Variants in FAM81A observed in about 807,000 individuals in gnomAD.
The protein encoded by FAM81A is protein FAM81A.
Under a neutral mutation model 46.7 loss-of-function variants are expected in FAM81A, and 19 were observed. That is an observed-to-expected ratio of 0.41 (90% CI 0.28 to 0.60). The LOEUF (loss-of-function observed/expected upper bound fraction) is 0.60, where lower values mean the gene tolerates loss of function less well. Ranked by LOEUF, FAM81A falls within the 20% of genes least tolerant of loss-of-function variation. The pLI, the probability that FAM81A is intolerant of heterozygous loss-of-function variation, is 0.34. For synonymous variants in FAM81A, 183 were observed against 152.9 expected, an observed-to-expected ratio of 1.20 and a Z score of -1.45; for missense variants, 377 against 453.5, an observed-to-expected ratio of 0.83 and a Z score of 1.53.
At chr15:59,437,764 T>C (rs62013067), upstream of FAM81A, among the ~76,000 whole-genome samples, 26,137 of 152,032 alleles carry the variant, frequency 0.17, 2,829 homozygotes, top group South Asian at 0.27. Context: ...ATATTGGGGC[T>C]CTAGAGAGAA....
At chr15:59,458,466 C>A in intron 1 of FAM81A, 84 bp from the exon 2 acceptor site, 1 of 820,248 alleles carries the variant, frequency 1.2e-6, no homozygotes, top group South Asian at 1.8e-5. Context: ...AATTTATGAT[C>A]CACTTAGCAA....
intron 3 of FAM81A, among the ~76,000 whole-genome samples, chr15:59,463,771 G>C (rs1244325737): frequency 6.6e-6 from 1 of 151,876 alleles, no homozygotes; most frequent in East Asian, 1.9e-4. Context: ...GTGTCTGATT[G>C]TTCAAGGAAC....
At chr15:59,504,602 T>C (rs1471306888) in intron 4 of FAM81A, among the ~76,000 whole-genome samples, 1 of 152,232 alleles carries the variant, frequency 6.6e-6, no homozygotes, top group Non-Finnish European at 1.5e-5. Flanking sequence ...TGCACCCTAC[T>C]CCTTCTTTGT....
chr15:59,411,257 G>C (rs1174970646), intron 2 of FAM81A, among the ~76,000 whole-genome samples: 1 of 152,198 alleles, frequency 6.6e-6, no homozygotes, highest in Admixed American at 6.5e-5. Context: ...CGCTGGGGCA[G>C]AGGATGCCTG....
rs147575196 is a variant in FAM81A at position 59,512,642 on chromosome 15, C to A, written c.651-1647C>A. On this transcript the variant is annotated intron_variant, in intron 6 of 8. Transcript: ENST00000288228. The stretch of plus-strand genomic sequence containing the variant: ...GTCTTCTAAGGTCCTGGCAGTGTTC[C>A]ATGTCTTACCTGGCAGGGGTTCACG... Among the ~76,000 whole-genome samples the A allele has an allele frequency of 2.4e-3, 359 of 152,178 alleles. 2 individuals carry two copies. The highest frequency in any genetic ancestry group is 8.0e-3 in the African/African-American group (331 of 41,512).
intron 3 of FAM81A, among the ~76,000 whole-genome samples, chr15:59,461,314 GT>G (rs1428110145): frequency 6.6e-6 from 1 of 151,842 alleles, no homozygotes; most frequent in Non-Finnish European, 1.5e-5. Flanking sequence ...CTTTTTGTTT[GT>G]TTGTTTGTTT....
chr15:59,479,061 G>A (rs867137729), intron 3 of FAM81A, among the ~76,000 whole-genome samples: 18 of 152,218 alleles, frequency 1.2e-4, no homozygotes, highest in African/African-American at 3.6e-4. Context: ...CACTGGAGCT[G>A]CAGTAATGGC....
chr15:59,434,529 C>A (rs565563078), upstream of FAM81A, among the ~76,000 whole-genome samples: 4 of 152,198 alleles, frequency 2.6e-5, no homozygotes, highest in Non-Finnish European at 5.9e-5. Flanking sequence ...CAGGACTTGT[C>A]CCCTGGAAAC....
At chr15:59,478,239 C>T (rs2081798948) in intron 3 of FAM81A, among the ~76,000 whole-genome samples, 1 of 152,172 alleles carries the variant, frequency 6.6e-6, no homozygotes, top group Non-Finnish European at 1.5e-5. Flanking sequence ...ACTTTAGTTC[C>T]CATGTGCTCA....
chr15:59,503,016 G>A (rs1185601813), intron 4 of FAM81A, among the ~76,000 whole-genome samples: 1 of 152,096 alleles, frequency 6.6e-6, no homozygotes. Flanking sequence ...CGAGGTGGGT[G>A]GATTACCTGA....
chr15:59,443,991 T>G (rs975897820), intron 1 of FAM81A: 1 of 152,432 alleles, frequency 6.6e-6, no homozygotes, highest in Admixed American at 6.5e-5. Flanking sequence ...CCTTTGAATA[T>G]CAGACTCAAA....
At position 59,508,948 on chromosome 15, in the gene FAM81A, A is replaced by G. The variant is rs778180429; in HGVS notation, c.629A>G (p.Gln210Arg). Reference sequence around the variant, plus strand: ...ATGTCTCACAGAGACAGTAACCACCAGCTTCAGCTTTTGGACACTAAGTAA... The same window carrying G: ...ATGTCTCACAGAGACAGTAACCACCGGCTTCAGCTTTTGGACACTAAGTAA... ...LKMSHRDSNH[Q>R]LQLLDTKFKG... Residue 210 changes from glutamine to arginine, a missense_variant, in exon 6 of 9, where the codon CAG becomes CGG. Coordinates refer to ENST00000288228, the MANE Select transcript of FAM81A (RefSeq NM_152450.3). 5 of 1,612,894 alleles carry G rather than the reference A, an allele frequency of 3.1e-6. No individual in the cohort carries two copies. Among genetic ancestry groups the G allele is most frequent in the Middle Eastern group, 1.7e-4 (1 of 6,050 alleles).
At chr15:59,479,533 AAAAAAAAAAGGAT>A (rs1158434002) in intron 3 of FAM81A, among the ~76,000 whole-genome samples, 4 of 150,706 alleles carry the variant, frequency 2.7e-5, no homozygotes, top group African/African-American at 9.7e-5. Flanking sequence ...AAAAAAAAAA[AAAAAAAAAAGGAT>A]GGTAAGGGAA....
At chr15:59,482,759 A>G (rs958637550) in intron 3 of FAM81A, among the ~76,000 whole-genome samples, 1 of 152,256 alleles carries the variant, frequency 6.6e-6, no homozygotes, top group South Asian at 2.1e-4. Context: ...TACAAAAAGA[A>G]TAAGTGTTAC....
chr15:59,493,517 A>G (rs2082002846), intron 4 of FAM81A, among the ~76,000 whole-genome samples: 1 of 152,168 alleles, frequency 6.6e-6, no homozygotes, highest in Admixed American at 6.5e-5. Context: ...GTCCCTGAAT[A>G]AACCATGCTC....
At chr15:59,443,643 CCTCTT>C (rs375163877) in intron 1 of FAM81A, among the ~76,000 whole-genome samples, 196 of 152,256 alleles carry the variant, frequency 1.3e-3, no homozygotes, top group African/African-American at 4.5e-3. Flanking sequence ...GTGCCATCAT[CCTCTT>C]CTCTGTAACC....
At chr15:59,475,963 A>G (rs2081761842) in intron 3 of FAM81A, among the ~76,000 whole-genome samples, 1 of 152,182 alleles carries the variant, frequency 6.6e-6, no homozygotes, top group South Asian at 2.1e-4. Flanking sequence ...TAAACAACAG[A>G]AATTTCTTTT....
chr15:59,516,510 T>G, intron 7 of FAM81A, 135 bp from the exon 8 acceptor site: 1 of 804,276 alleles, frequency 1.2e-6, no homozygotes, highest in Non-Finnish European at 2.0e-6. Flanking sequence ...GGAGAACGGA[T>G]ATTATGGTGG....
chr15:59,480,712 T>G (rs2081839621), intron 3 of FAM81A, among the ~76,000 whole-genome samples: 1 of 152,184 alleles, frequency 6.6e-6, no homozygotes, highest in Admixed American at 6.5e-5. Flanking sequence ...AACAAGTTTC[T>G]TGAATTGAAT....
Sources: gnomAD v4.1 joint callset for allele counts (sites outside exome capture counted in the v4.1 genomes callset) on GRCh38, gnomAD v4.1.1 for gene constraint, MANE v1.5 for transcripts, NCBI Gene and HGNC (gene_info 2026-07-23, HGNC 2026-07-21) for gene names.